The following ACBD6 variants were observed in gnomAD, a reference collection of about 807,000 sequenced individuals.
The protein encoded by ACBD6 is acyl-CoA binding domain containing 6, also known as acyl-CoA-binding domain-containing protein 6.
In ACBD6, 28 loss-of-function variants were observed where a neutral mutation model predicts 37.2. That is an observed-to-expected ratio of 0.75 (90% CI 0.56 to 1.03). The LOEUF (loss-of-function observed/expected upper bound fraction) is 1.03. ACBD6 is among the 50% of genes least tolerant of loss of function. The probability of loss-of-function intolerance (pLI) is 0.00; values close to 1 mark genes in which losing one functional copy is unlikely to be tolerated. For synonymous variants in ACBD6, 113 were observed against 126.8 expected, an observed-to-expected ratio of 0.89 and a Z score of 0.73; for missense variants, 340 against 337.4, an observed-to-expected ratio of 1.01 and a Z score of -0.06.
intron 6 of ACBD6, among the ~76,000 whole-genome samples, chr1:180,395,825 G>A (rs1001271341): frequency 2.0e-5 from 3 of 152,154 alleles, no homozygotes; most frequent in African/African-American, 7.2e-5. Context: ...AGAAGTGAAA[G>A]CAGGGACTTG....
At chr1:180,287,694 A>G (rs1391328303), downstream of ACBD6, among the ~76,000 whole-genome samples, 2 of 151,346 alleles carry the variant, frequency 1.3e-5, no homozygotes, top group Non-Finnish European at 2.9e-5. Context: ...AGGTGAGTTT[A>G]AGGAATCTGA....
At chr1:180,474,656 C>T (rs1008466123) in intron 3 of ACBD6, among the ~76,000 whole-genome samples, 9 of 152,112 alleles carry the variant, frequency 5.9e-5, no homozygotes, top group Admixed American at 5.2e-4. Context: ...CTAATTGAGA[C>T]TAATAGAATC....
chr1:180,479,318 A>C (rs1436476257), intron 3 of ACBD6, among the ~76,000 whole-genome samples: 2 of 152,234 alleles, frequency 1.3e-5, no homozygotes, highest in African/African-American at 4.8e-5. Context: ...GCAGCTATAA[A>C]AAAGAATGAA....
At chr1:180,305,992 G>T (rs561847676) in intron 7 of ACBD6, among the ~76,000 whole-genome samples, 4 of 150,644 alleles carry the variant, frequency 2.7e-5, no homozygotes, top group Admixed American at 6.7e-5. Context: ...GCAAACTATC[G>T]CAAGGACAAA....
At chr1:180,376,219 A>G (rs556151003) in intron 6 of ACBD6, among the ~76,000 whole-genome samples, 1 of 152,230 alleles carries the variant, frequency 6.6e-6, no homozygotes, top group Non-Finnish European at 1.5e-5. Context: ...TCTCTTATGA[A>G]CTGGTAGTGG....
intron 6 of ACBD6, among the ~76,000 whole-genome samples, chr1:180,372,000 C>A (rs114730309): frequency 0.014 from 2,192 of 152,180 alleles, 20 homozygotes; most frequent in Non-Finnish European, 0.024. Flanking sequence ...GGTAGTTGAA[C>A]CTGAGTGGCA....
In ACBD6 at chr1:180,315,080, T is replaced by C. The variant is rs190315738; in HGVS notation, c.664-358A>G. ...TCATTTATCTTGGCCAGTATTAGGA[T>C]TTTTTTTTTCCTAAGCTTGTCCCCA... On this transcript the variant is annotated intron_variant, in intron 6 of 7. Coordinates refer to ENST00000367595, the MANE Select transcript of ACBD6 (RefSeq NM_032360.4). 3.5e-5 allele frequency among the ~76,000 whole-genome samples: 3 copies of C among 85,772 alleles called. No homozygotes were observed. In the Admixed American group the frequency reaches 3.5e-4, roughly 10 times the overall value. The allele number at this position is 85,772 out of a possible 152,430, so 56.3% of individuals were successfully genotyped here.
At chr1:180,293,055 C>G (rs1271323464) in intron 7 of ACBD6, among the ~76,000 whole-genome samples, 2 of 152,192 alleles carry the variant, frequency 1.3e-5, no homozygotes, top group Non-Finnish European at 2.9e-5. Flanking sequence ...ACAAACCTTG[C>G]ATTCCTAGGA....
intron 3 of ACBD6, among the ~76,000 whole-genome samples, chr1:180,459,321 C>A (rs1404754468): frequency 6.6e-6 from 1 of 152,166 alleles, no homozygotes; most frequent in African/African-American, 2.4e-5. Context: ...ACATTCCCCC[C>A]TAAGTATATC....
intron 5 of ACBD6, among the ~76,000 whole-genome samples, chr1:180,400,402 T>C (rs1647306498): frequency 6.6e-6 from 1 of 152,228 alleles, no homozygotes; most frequent in South Asian, 2.1e-4. Flanking sequence ...AATGGTACAC[T>C]AATTAACCTT....
chr1:180,350,868 T>C lies in ACBD6; in HGVS notation c.664-36146A>G, dbSNP rs12097322. 9.2e-3 allele frequency among the ~76,000 whole-genome samples: 1,404 copies of C among 152,334 alleles called. 25 individuals carry two copies. The highest frequency in any genetic ancestry group is 0.032 in the African/African-American group (1,330 of 41,570). On this transcript the variant is annotated intron_variant, in intron 6 of 7. Coordinates refer to ENST00000367595, the MANE Select transcript of ACBD6 (RefSeq NM_032360.4). The stretch of plus-strand genomic sequence containing the variant: ...CTGGCTCATAATTGTTCTTTAATAA[T>C]TTAACGAGTTTTCTACTGTCTCAGA...
chr1:180,435,739 C>T (rs1649010107), intron 3 of ACBD6: 2 of 842,470 alleles, frequency 2.4e-6, no homozygotes, highest in South Asian at 2.6e-5. Flanking sequence ...GAAACAGTAA[C>T]ACGCACTTCA....
intron 5 of ACBD6, among the ~76,000 whole-genome samples, chr1:180,399,777 T>C (rs1348727746): frequency 6.6e-6 from 1 of 152,208 alleles, no homozygotes; most frequent in Non-Finnish European, 1.5e-5. Context: ...TACAGGTCCA[T>C]GTTATTGTTT....
chr1:180,459,478 T>C (rs1435239385), intron 3 of ACBD6, among the ~76,000 whole-genome samples: 3 of 152,184 alleles, frequency 2.0e-5, no homozygotes, highest in Non-Finnish European at 4.4e-5. Context: ...CTGATGAAGA[T>C]AGGCAAATGA....
intron 1 of ACBD6, among the ~76,000 whole-genome samples, chr1:180,500,771 G>A (rs1451060214): frequency 7.0e-6 from 1 of 143,732 alleles, no homozygotes; most frequent in South Asian, 2.2e-4. Context: ...CAGGTGGATC[G>A]TCTGAGCTCA....
At chr1:180,400,848 T>C (rs1647321926) in intron 5 of ACBD6, among the ~76,000 whole-genome samples, 1 of 152,190 alleles carries the variant, frequency 6.6e-6, no homozygotes. Context: ...TATTAAACTA[T>C]TTTAGGTAAA....
At chr1:180,447,897 T>G (rs968289479) in intron 3 of ACBD6, among the ~76,000 whole-genome samples, 4 of 151,838 alleles carry the variant, frequency 2.6e-5, no homozygotes. Flanking sequence ...TGATCTCATG[T>G]GTACAAAAAA....
rs1413478444 is a variant in ACBD6, at chr1:180,494,026, A to G, written c.287+1435T>C. On this transcript the variant is annotated intron_variant, in intron 2 of 7. Coordinates refer to ENST00000367595, the MANE Select transcript of ACBD6 (RefSeq NM_032360.4). The stretch of plus-strand genomic sequence containing the variant: ...GCACGTGATGTTAGTCTGTCCCATC[A>G]TCAATAAGATTCATGGTTTGGTAAC... 2.0e-5 allele frequency among the ~76,000 whole-genome samples: 3 copies of G among 152,332 alleles called. No individual in the cohort carries two copies. The East Asian group carries it at 5.8e-4, about 29-fold the overall frequency.
chr1:180,281,467 C>A (rs1288613181), intron 8 of ACBD6: 2 of 152,210 alleles, frequency 1.3e-5, no homozygotes, highest in Non-Finnish European at 2.9e-5. Context: ...CTGCAAATAA[C>A]ATCTTGAGAG....
Sources: gnomAD v4.1 joint callset for allele counts (sites outside exome capture counted in the v4.1 genomes callset) on GRCh38, gnomAD v4.1.1 for gene constraint, MANE v1.5 for transcripts, NCBI Gene and HGNC (gene_info 2026-07-23, HGNC 2026-07-21) for gene names.